ADAMTSL1: variants seen among roughly 807,000 people sequenced by gnomAD.
The protein encoded by ADAMTSL1 is ADAMTS-like protein 1.
Under a neutral mutation model 201.8 loss-of-function variants are expected in ADAMTSL1, and 126 were observed. The observed-to-expected ratio is 0.62, with a 90% CI of 0.54 to 0.72. The LOEUF is 0.72. Among genes scored for constraint, ADAMTSL1 ranks in the 30% least tolerant of loss-of-function variants. The pLI, the probability that ADAMTSL1 is intolerant of heterozygous loss-of-function variation, is 0.00. For missense variants in ADAMTSL1, 2,679 were observed against 2,277.8 expected, an observed-to-expected ratio of 1.18 and a Z score of -3.59; for synonymous variants, 1,121 against 903.4, an observed-to-expected ratio of 1.24 and a Z score of -4.32.
intron 9 of ADAMTSL1, among the ~76,000 whole-genome samples, chr9:18,662,929 C>T (rs1477970693): frequency 6.6e-6 from 1 of 152,138 alleles, no homozygotes; most frequent in African/African-American, 2.4e-5. Flanking sequence ...CCTAGAAAAG[C>T]AATCAGGAAT....
intron 1 of ADAMTSL1, among the ~76,000 whole-genome samples, chr9:18,478,710 C>T (rs537239706): frequency 2.6e-5 from 4 of 152,280 alleles, no homozygotes; most frequent in Admixed American, 1.3e-4. Flanking sequence ...GTGACCTCTT[C>T]GTAGCATAAG....
At chr9:18,237,460 C>T (rs1830892477) in intron 2 of ADAMTSL1, among the ~76,000 whole-genome samples, 2 of 152,118 alleles carry the variant, frequency 1.3e-5, no homozygotes, top group Admixed American at 1.3e-4. Flanking sequence ...TACCTTGTTG[C>T]TTTTGGCATT....
intron 3 of ADAMTSL1, among the ~76,000 whole-genome samples, chr9:18,554,242 A>G (rs976933692): frequency 5.5e-4 from 83 of 151,612 alleles, no homozygotes; most frequent in African/African-American, 1.9e-3. Flanking sequence ...GTCCATAAGC[A>G]TGTTAAATTT....
chr9:17,920,310 T>C (rs770716936), intron 1 of ADAMTSL1, among the ~76,000 whole-genome samples: 2 of 152,176 alleles, frequency 1.3e-5, no homozygotes, highest in Non-Finnish European at 2.9e-5. Flanking sequence ...TTAGGTCTGA[T>C]TGCTTTTTGC....
At chr9:18,433,041 A>G (rs1454968280) in intron 2 of ADAMTSL1, among the ~76,000 whole-genome samples, 2 of 152,118 alleles carry the variant, frequency 1.3e-5, no homozygotes, top group Non-Finnish European at 2.9e-5. Flanking sequence ...TAAATCTTTT[A>G]AAATAACTTT....
intron 3 of ADAMTSL1, among the ~76,000 whole-genome samples, chr9:18,533,695 T>A (rs937219481): frequency 6.6e-6 from 1 of 152,238 alleles, no homozygotes; most frequent in Non-Finnish European, 1.5e-5. Context: ...GTGCCAACTA[T>A]GTGTGAGGCA....
intron 2 of ADAMTSL1, among the ~76,000 whole-genome samples, chr9:18,294,003 A>T (rs550019829): frequency 6.6e-6 from 1 of 152,342 alleles, no homozygotes; most frequent in South Asian, 2.1e-4. Context: ...AAAATCAGTT[A>T]CCAGACTCAG....
intron 2 of ADAMTSL1, among the ~76,000 whole-genome samples, chr9:18,316,048 G>A (rs537608425): frequency 4.7e-4 from 72 of 152,264 alleles, no homozygotes; most frequent in Admixed American, 7.2e-4. Context: ...ATCACATGTC[G>A]GTAGGTTCCG....
chr9:18,802,333 T>C (rs1822854836), intron 20 of ADAMTSL1, among the ~76,000 whole-genome samples: 1 of 152,102 alleles, frequency 6.6e-6, no homozygotes, highest in Non-Finnish European at 1.5e-5. Context: ...ACATTTTTAT[T>C]ATCCCTAAAA....
intron 1 of ADAMTSL1, among the ~76,000 whole-genome samples, chr9:18,060,187 G>A (rs1822386665): frequency 6.6e-6 from 1 of 152,108 alleles, no homozygotes; most frequent in Non-Finnish European, 1.5e-5. Context: ...TATTTTTTAA[G>A]TGCAATTGGC....
At chr9:18,468,823 G>A (rs1563978621) in intron 2 of ADAMTSL1, among the ~76,000 whole-genome samples, 1 of 152,204 alleles carries the variant, frequency 6.6e-6, no homozygotes, top group Admixed American at 6.5e-5. Context: ...CCTGAATTAA[G>A]TCTTGTAGGG....
chr9:18,766,124 A>G lies in ADAMTSL1; in HGVS notation c.2218-4478A>G, dbSNP rs757378225. 6.5e-4 allele frequency among the ~76,000 whole-genome samples: 99 copies of G among 152,318 alleles called. 1 individual carries two copies. Among genetic ancestry groups the G allele is most frequent in the Non-Finnish European group, 1.1e-3 (76 of 68,028 alleles). Reference sequence around the variant, plus strand: ...GTAAAATATAAGATTACAGAGGTGTACAACGCTTCTCTTGCTCTGCTATAC... The same window carrying G: ...GTAAAATATAAGATTACAGAGGTGTGCAACGCTTCTCTTGCTCTGCTATAC... On this transcript the variant is annotated intron_variant, in intron 16 of 28. Coordinates refer to ENST00000380548, the MANE Select transcript of ADAMTSL1 (RefSeq NM_001040272.6).
At chr9:18,389,358 T>C (rs1837949251) in intron 2 of ADAMTSL1, among the ~76,000 whole-genome samples, 1 of 152,152 alleles carries the variant, frequency 6.6e-6, no homozygotes, top group African/African-American at 2.4e-5. Context: ...TCAATGTCAT[T>C]CCAGTCACCA....
At chr9:17,962,516 T>C (rs1406336231) in intron 1 of ADAMTSL1, among the ~76,000 whole-genome samples, 1 of 152,152 alleles carries the variant, frequency 6.6e-6, no homozygotes, top group Non-Finnish European at 1.5e-5. Flanking sequence ...GGGCCTGCTA[T>C]CTATGTGTAA....
intron 16 of ADAMTSL1, among the ~76,000 whole-genome samples, chr9:18,756,279 G>C (rs1243976168): frequency 4.8e-5 from 1 of 20,846 alleles, no homozygotes; most frequent in Non-Finnish European, 8.6e-5. Flanking sequence ...ACTCTGTCTC[G>C]ACAAAAAAAA....
intron 1 of ADAMTSL1, among the ~76,000 whole-genome samples, chr9:17,940,454 T>C (rs1328092900): frequency 6.6e-6 from 1 of 151,594 alleles, no homozygotes; most frequent in Non-Finnish European, 1.5e-5. Context: ...CTAGGAGAAG[T>C]TGTTTGTATG....
At chr9:18,051,933 A>T (rs369436430) in intron 1 of ADAMTSL1, among the ~76,000 whole-genome samples, 46 of 152,352 alleles carry the variant, frequency 3.0e-4, no homozygotes, top group African/African-American at 1.1e-3. Flanking sequence ...CTTTCACTTT[A>T]TTGGTTACCT....
chr9:18,045,324 A>G (rs918704818), intron 1 of ADAMTSL1, among the ~76,000 whole-genome samples: 1 of 138,792 alleles, frequency 7.2e-6, no homozygotes, highest in African/African-American at 2.4e-5. Flanking sequence ...CTACTATTCA[A>G]GTAATTCTTG....
rs757314669 is a variant in ADAMTSL1 at position 18,775,698 on chromosome 9, T to C, written c.2398-45T>C. On this transcript the variant is annotated intron_variant, in intron 17 of 28. Coordinates refer to ENST00000380548, the MANE Select transcript of ADAMTSL1 (RefSeq NM_001040272.6). ...GACAGTCTATTAAAAAATTAGCTTC[T>C]AGTTCCCAGAATTTATGTGCATTTG... 8 of 1,595,728 alleles carry C rather than the reference T, an allele frequency of 5.0e-6. No individual in the cohort carries two copies. The Admixed American group carries it at 1.4e-4, about 28-fold the overall frequency.
Sources: allele counts gnomAD v4.1 joint callset (sites outside exome capture counted in the v4.1 genomes callset), GRCh38; gene constraint gnomAD v4.1.1; transcripts MANE v1.5; gene names NCBI Gene and HGNC (gene_info 2026-07-23, HGNC 2026-07-21).